GMDS: variants seen among roughly 807,000 people sequenced by gnomAD.
GMDS encodes the protein GDP-mannose 4,6-dehydratase.
GMDS carries 20 observed loss-of-function variants against 49.9 expected under a neutral mutation model. That is an observed-to-expected ratio of 0.40 (90% CI 0.28 to 0.58). The LOEUF (loss-of-function observed/expected upper bound fraction) is 0.58. GMDS is among the 20% of genes least tolerant of loss of function. The pLI is 0.42. For missense variants in GMDS, 362 were observed against 481.4 expected, an observed-to-expected ratio of 0.75 and a Z score of 2.32; for synonymous variants, 177 against 178.6, an observed-to-expected ratio of 0.99 and a Z score of 0.07.
At chr6:1,990,822 G>T (rs1765892382) in intron 4 of GMDS, among the ~76,000 whole-genome samples, 1 of 151,316 alleles carries the variant, frequency 6.6e-6, no homozygotes, top group African/African-American at 2.4e-5. Context: ...GGGTTCAAGT[G>T]ATCCTTCCAT....
chr6:1,722,499 T>C (rs146625521), intron 9 of GMDS, among the ~76,000 whole-genome samples: 72 of 152,264 alleles, frequency 4.7e-4, no homozygotes, highest in African/African-American at 1.5e-3. Flanking sequence ...ACTTAGTGCA[T>C]GAATGAATGG....
Position 1,766,365 on chromosome 6 carries a change from G to A in GMDS, c.772-23779C>T, listed in dbSNP as rs1768354277. ...TGAGCTGTTTCAGGTGCTGGGGAAAGGCTCTGCGTTAGAACCCACACCTTC... is the reference window on the plus strand; with the variant it reads ...TGAGCTGTTTCAGGTGCTGGGGAAAAGCTCTGCGTTAGAACCCACACCTTC... On this transcript the variant is annotated intron_variant, in intron 7 of 10. Coordinates refer to ENST00000380815, the MANE Select transcript of GMDS (RefSeq NM_001500.4). This position sits in a 1 kb window ranked among gnomAD's most constrained non-coding sequence, Gnocchi z 4.5. Among the ~76,000 whole-genome samples, 1 of 152,172 alleles carries A rather than the reference G, an allele frequency of 6.6e-6. No homozygotes were observed. Among genetic ancestry groups the A allele is most frequent in the African/African-American group, 2.4e-5 (1 of 41,442 alleles).
chr6:1,784,160 A>AC (rs550238412), intron 7 of GMDS, among the ~76,000 whole-genome samples: 206 of 152,246 alleles, frequency 1.4e-3, no homozygotes, highest in African/African-American at 4.6e-3. Flanking sequence ...ATAATATGGG[A>AC]CAGAGAACTG....
chr6:2,002,238 T>C (rs59275343), intron 4 of GMDS, among the ~76,000 whole-genome samples: 4,592 of 152,300 alleles, frequency 0.03, 159 homozygotes, highest in South Asian at 0.094. Flanking sequence ...GCCTACCGCA[T>C]GTCAGACGGT....
intron 7 of GMDS, among the ~76,000 whole-genome samples, chr6:1,916,560 G>A (rs927464106): frequency 2.0e-5 from 3 of 152,052 alleles, no homozygotes; most frequent in African/African-American, 7.2e-5. Flanking sequence ...GACGAAAAAG[G>A]GAGGGAGAGA....
At chr6:2,145,628 C>T (rs1405148785) in intron 1 of GMDS, among the ~76,000 whole-genome samples, 3 of 151,970 alleles carry the variant, frequency 2.0e-5, no homozygotes, top group Admixed American at 6.6e-5. Flanking sequence ...ATTAAACCAA[C>T]GTCAGATGGA....
At chr6:2,097,367 G>C (rs7771051) in intron 4 of GMDS, among the ~76,000 whole-genome samples, 69,569 of 151,962 alleles carry the variant, frequency 0.46, 19,078 homozygotes, top group African/African-American at 0.78. Context: ...GGAGATGGTG[G>C]TGCGGGGGTG....
chr6:2,203,298 A>G (rs1055121488), intron 1 of GMDS, among the ~76,000 whole-genome samples: 18 of 152,180 alleles, frequency 1.2e-4, no homozygotes, highest in African/African-American at 4.1e-4. Context: ...AAATTGGAAA[A>G]AAAATATGTA....
chr6:1,741,032 T>C (rs1263386382), intron 8 of GMDS, among the ~76,000 whole-genome samples: 1 of 152,226 alleles, frequency 6.6e-6, no homozygotes, highest in Non-Finnish European at 1.5e-5. Context: ...TGAGTGTTCT[T>C]ATTTTTGTTT....
rs142735259 is a variant in GMDS at position 1,846,644 on chromosome 6, C to G, written c.771+83459G>C. Among the ~76,000 whole-genome samples the G allele has an allele frequency of 5.5e-3, 834 of 152,302 alleles. 5 individuals carry two copies. Among genetic ancestry groups the G allele is most frequent in the South Asian group, 0.019 (94 of 4,824 alleles). On this transcript the variant is annotated intron_variant, in intron 7 of 10. Coordinates refer to ENST00000380815, the MANE Select transcript of GMDS (RefSeq NM_001500.4). Reference sequence around the variant, plus strand: ...CTTTCCAATCCTAGATTGTGAACCTCTGTTTCCCCCAATGAAGGTGAAAAT... The same window carrying G: ...CTTTCCAATCCTAGATTGTGAACCTGTGTTTCCCCCAATGAAGGTGAAAAT...
At chr6:2,096,013 G>A (rs1166939365) in intron 4 of GMDS, among the ~76,000 whole-genome samples, 1 of 152,180 alleles carries the variant, frequency 6.6e-6, no homozygotes, top group Non-Finnish European at 1.5e-5. Flanking sequence ...ATATATACCT[G>A]ATAAAAAGTT....
intron 7 of GMDS, among the ~76,000 whole-genome samples, chr6:1,922,579 C>G (rs889673920): frequency 1.3e-5 from 2 of 152,140 alleles, no homozygotes; most frequent in East Asian, 1.9e-4. Context: ...TTTTGCCCAT[C>G]AAATGTTGCC....
intron 7 of GMDS, among the ~76,000 whole-genome samples, chr6:1,800,628 T>A (rs1000325105): frequency 6.8e-6 from 1 of 147,056 alleles, no homozygotes; most frequent in Non-Finnish European, 1.5e-5. Context: ...TTTCTTTCTT[T>A]CTTTTTTTTT....
chr6:1,748,408 T>G (rs1767599612), intron 7 of GMDS, among the ~76,000 whole-genome samples: 1 of 152,194 alleles, frequency 6.6e-6, no homozygotes. Flanking sequence ...TTTTTGGGTT[T>G]TGTTTCATAT....
At chr6:2,169,885 G>A (rs1156304322) in intron 1 of GMDS, among the ~76,000 whole-genome samples, 2 of 152,028 alleles carry the variant, frequency 1.3e-5, no homozygotes, top group East Asian at 3.9e-4. Flanking sequence ...GGCTGATTCA[G>A]AAGGTGCTAT....
intron 7 of GMDS, among the ~76,000 whole-genome samples, chr6:1,812,759 A>G (rs1770491950): frequency 6.6e-6 from 1 of 152,214 alleles, no homozygotes; most frequent in African/African-American, 2.4e-5. Flanking sequence ...GTCTCATTGA[A>G]GAGGAGGTAG....
chr6:1,624,746 A>T, intron 9 of GMDS: 1 of 414,096 alleles, frequency 2.4e-6, no homozygotes, highest in Non-Finnish European at 4.4e-6. Flanking sequence ...TGCTGTGCGG[A>T]CCCGTGAGGA....
chr6:2,225,793 A>G (rs915056017), intron 1 of GMDS, among the ~76,000 whole-genome samples: 1 of 152,250 alleles, frequency 6.6e-6, no homozygotes, highest in Admixed American at 6.5e-5. Flanking sequence ...CATCTGGACC[A>G]TGACCTACAA....
intron 7 of GMDS, among the ~76,000 whole-genome samples, chr6:1,870,464 C>G (rs1283399301): frequency 6.6e-6 from 1 of 152,046 alleles, no homozygotes; most frequent in East Asian, 1.9e-4. Flanking sequence ...CCCACAAACA[C>G]CTACACACCC....
Sources: allele counts gnomAD v4.1 joint callset (sites outside exome capture counted in the v4.1 genomes callset), GRCh38; gene constraint gnomAD v4.1.1; non-coding constraint Gnocchi (gnomAD v3.1); transcripts MANE v1.5; gene names NCBI Gene and HGNC (gene_info 2026-07-23, HGNC 2026-07-21).